HDAC9: variants seen among roughly 807,000 people sequenced by gnomAD.
The protein encoded by HDAC9 is MEF-2 interacting transcription repressor (MITR) protein.
HDAC9 carries 41 observed loss-of-function variants against 139.4 expected under a neutral mutation model. That is an observed-to-expected ratio of 0.29 (90% CI 0.23 to 0.38). The LOEUF (loss-of-function observed/expected upper bound fraction) is 0.38. Among genes scored for constraint, HDAC9 ranks in the 10% least tolerant of loss-of-function variants. The probability of loss-of-function intolerance (pLI) is 1.00; values close to 1 mark genes in which losing one functional copy is unlikely to be tolerated. For missense variants in HDAC9, 1,147 were observed against 1,297.0 expected (o/e 0.88, Z 1.78); for synonymous variants, 517 against 476.2 (o/e 1.09, Z -1.12).
intron 1 of HDAC9, among the ~76,000 whole-genome samples, chr7:18,390,015 G>C (rs1223578442): frequency 2.8e-5 from 4 of 143,800 alleles, no homozygotes; most frequent in Non-Finnish European, 4.5e-5. Context: ...GATATTTTTA[G>C]ATCTCAGTTG....
At chr7:18,500,701 T>C (rs1229206523) in intron 2 of HDAC9, among the ~76,000 whole-genome samples, 2 of 152,242 alleles carry the variant, frequency 1.3e-5, no homozygotes, top group African/African-American at 4.8e-5. Context: ...GATCGATCCA[T>C]AGCTCTTTGG....
chr7:18,623,041 G>A (rs1840665249), intron 6 of HDAC9, among the ~76,000 whole-genome samples: 1 of 151,974 alleles, frequency 6.6e-6, no homozygotes, highest in Non-Finnish European at 1.5e-5. Flanking sequence ...CTACCCAGGA[G>A]GCTGAGGTAG....
chr7:18,449,945 TTC>T (rs1415540539), intron 1 of HDAC9, among the ~76,000 whole-genome samples: 3 of 152,212 alleles, frequency 2.0e-5, no homozygotes, highest in South Asian at 2.1e-4. Flanking sequence ...TCACCTATTA[TTC>T]TGTTTTTGCC....
intron 21 of HDAC9, among the ~76,000 whole-genome samples, chr7:18,868,158 C>A (rs576964827): frequency 6.6e-6 from 1 of 151,928 alleles, no homozygotes; most frequent in Admixed American, 6.6e-5. Flanking sequence ...GCCAGGTAAT[C>A]CCTGATTTTC....
intron 16 of HDAC9, among the ~76,000 whole-genome samples, chr7:18,767,479 T>A (rs1351419170): frequency 1.3e-5 from 2 of 152,198 alleles, no homozygotes; most frequent in Non-Finnish European, 2.9e-5. Flanking sequence ...GGAGAAAAGG[T>A]GCTTCAAGAG....
At chr7:18,298,770 G>A (rs1414558321) in intron 1 of HDAC9, among the ~76,000 whole-genome samples, 1 of 152,078 alleles carries the variant, frequency 6.6e-6, no homozygotes, top group Non-Finnish European at 1.5e-5. Context: ...CTATAGCTGT[G>A]AGTTGGTTTA....
At chr7:18,157,006 T>G (rs981635731) in intron 1 of HDAC9, among the ~76,000 whole-genome samples, 1 of 152,194 alleles carries the variant, frequency 6.6e-6, no homozygotes, top group Non-Finnish European at 1.5e-5. Context: ...GAGGATCACT[T>G]GAGCCTCGGA....
At chr7:18,988,260 G>T (rs1237234412) in intron 25 of HDAC9, among the ~76,000 whole-genome samples, 2 of 151,936 alleles carry the variant, frequency 1.3e-5, no homozygotes, top group African/African-American at 4.8e-5. Flanking sequence ...CGGGTATGTT[G>T]TGTCTTTGTT....
chr7:18,161,190 C>T (rs987747715), intron 1 of HDAC9, among the ~76,000 whole-genome samples: 2 of 152,112 alleles, frequency 1.3e-5, no homozygotes, highest in African/African-American at 4.8e-5. Flanking sequence ...CACTACTTAG[C>T]TGTTTGAATA....
chr7:18,156,810 C>T (rs916162990), intron 1 of HDAC9, among the ~76,000 whole-genome samples: 2 of 152,208 alleles, frequency 1.3e-5, no homozygotes, highest in Non-Finnish European at 2.9e-5. Flanking sequence ...TAAGAATTCT[C>T]ATTTCAGTAT....
chr7:18,925,752 C>T (rs187593066), intron 22 of HDAC9, among the ~76,000 whole-genome samples: 12 of 151,916 alleles, frequency 7.9e-5, no homozygotes, highest in East Asian at 1.9e-4. Context: ...CTTCCCCACA[C>T]ATCTCTCACT....
intron 6 of HDAC9, among the ~76,000 whole-genome samples, chr7:18,605,322 G>A (rs1369742269): frequency 6.6e-6 from 1 of 152,098 alleles, no homozygotes; most frequent in South Asian, 2.1e-4. Context: ...GACTTTGTAT[G>A]CTGTGATCCC....
intron 16 of HDAC9, among the ~76,000 whole-genome samples, chr7:18,767,875 A>G (rs1789964774): frequency 6.6e-6 from 1 of 152,218 alleles, no homozygotes; most frequent in Non-Finnish European, 1.5e-5. Context: ...GTTTTCAAAG[A>G]CTAAGGTATT....
rs144425527 is a variant in HDAC9, at chr7:18,625,515, A to G, written c.665-3835A>G. On this transcript the variant is annotated intron_variant, in intron 6 of 25. Transcript: ENST00000686413. ...TGTACCCATACCAGATGCCTGTAGCAGCTCTCCATACTGATGACCAAAAAT... is the reference window on the plus strand; with the variant it reads ...TGTACCCATACCAGATGCCTGTAGCGGCTCTCCATACTGATGACCAAAAAT... Among the ~76,000 whole-genome samples the G allele has an allele frequency of 5.2e-3, 796 of 152,276 alleles. 2 individuals are homozygous for G. The highest frequency in any genetic ancestry group is 8.3e-3 in the Non-Finnish European group (565 of 68,014).
chr7:18,648,893 G>C (rs1381791724), intron 11 of HDAC9, among the ~76,000 whole-genome samples: 1 of 152,172 alleles, frequency 6.6e-6, no homozygotes, highest in African/African-American at 2.4e-5. Context: ...TAGCAAAATT[G>C]AGATGATACA....
chr7:18,733,825 A>G (rs1277154809), intron 13 of HDAC9, among the ~76,000 whole-genome samples: 1 of 152,128 alleles, frequency 6.6e-6, no homozygotes, highest in Non-Finnish European at 1.5e-5. Flanking sequence ...AATGTGATCA[A>G]ATGTTCAAGG....
chr7:18,391,397 AAAAG>A (rs1268149060), intron 1 of HDAC9, among the ~76,000 whole-genome samples: 1 of 152,072 alleles, frequency 6.6e-6, no homozygotes, highest in Admixed American at 6.5e-5. Flanking sequence ...CCCCAAAAAA[AAAAG>A]AAAGTAAAAA....
intron 1 of HDAC9, among the ~76,000 whole-genome samples, chr7:18,451,469 A>T (rs1459317981): frequency 6.6e-6 from 1 of 151,252 alleles, no homozygotes; most frequent in Non-Finnish European, 1.5e-5. Flanking sequence ...ATATATGCAT[A>T]CATATAGGTG....
At chr7:18,972,369 C>CTTTTTTTTTTTT (rs199909134) in intron 24 of HDAC9, among the ~76,000 whole-genome samples, 2 of 94,898 alleles carry the variant, frequency 2.1e-5, no homozygotes, top group African/African-American at 3.8e-5. Context: ...ATGAACTTCT[C>CTTTTTTTTTTTT]TTTTTTTTTT....
Sources: allele counts gnomAD v4.1 joint callset (sites outside exome capture counted in the v4.1 genomes callset), GRCh38; gene constraint gnomAD v4.1.1; transcripts MANE v1.5; gene names NCBI Gene and HGNC (gene_info 2026-07-23, HGNC 2026-07-21).